MBLAC2: variants seen among roughly 807,000 people sequenced by gnomAD.
MBLAC2 encodes acyl-coenzyme A thioesterase MBLAC2.
A neutral mutation model predicts 23.3 loss-of-function variants in MBLAC2; 24 were observed. The observed-to-expected ratio is 1.03, with a 90% confidence interval of 0.75 to 1.45. The LOEUF (loss-of-function observed/expected upper bound fraction) is 1.45. MBLAC2 is among the 40% of genes most tolerant of loss of function. The probability of loss-of-function intolerance (pLI) is 0.00; values close to 1 mark genes in which losing one functional copy is unlikely to be tolerated. For synonymous variants in MBLAC2, 162 were observed against 150.9 expected, an observed-to-expected ratio of 1.07 and a Z score of -0.54; for missense variants, 358 against 370.0, an observed-to-expected ratio of 0.97 and a Z score of 0.27.
At chr5:90,471,511 G>C (rs1427740102) in intron 1 of MBLAC2, among the ~76,000 whole-genome samples, 4 of 152,030 alleles carry the variant, frequency 2.6e-5, no homozygotes, top group Non-Finnish European at 5.9e-5. Flanking sequence ...CCAGAATAAT[G>C]CACTGGAAGA....
intron 1 of MBLAC2, chr5:90,472,461 T>TG (rs1314313435): frequency 1.5e-5 from 2 of 132,526 alleles, no homozygotes; most frequent in African/African-American, 6.1e-5. Flanking sequence ...ATTTAAAACT[T>TG]TAATGAAGAC....
intron 1 of MBLAC2, among the ~76,000 whole-genome samples, chr5:90,469,572 T>C (rs867775209): frequency 6.6e-6 from 1 of 152,206 alleles, no homozygotes; most frequent in Non-Finnish European, 1.5e-5. Context: ...CCTGATGATA[T>C]TGATGATAGT....
At chr5:90,468,722 A>C (rs1750493395) in intron 1 of MBLAC2, among the ~76,000 whole-genome samples, 1 of 152,176 alleles carries the variant, frequency 6.6e-6, no homozygotes, top group Admixed American at 6.5e-5. Flanking sequence ...AAATTGTATC[A>C]AGTGTTCTCT....
In MBLAC2 at chr5:90,474,415, G is replaced by A. The variant is rs1242908041; in HGVS notation, c.-123C>T. 2.3e-6 allele frequency: 2 copies of A among 875,644 alleles called. No individual in the cohort carries two copies. Among genetic ancestry groups the A allele is most frequent in the Non-Finnish European group, 3.6e-6 (2 of 555,384 alleles). The allele number at this position is 875,644 out of a possible 1,614,324, so 54.2% of individuals were successfully genotyped here. A position where few individuals can be genotyped will look rare whatever the true frequency, so the allele number is the denominator to read the frequency against. On this transcript the variant is annotated 5_prime_UTR_variant, in exon 1 of 2. Coordinates refer to ENST00000316610, the MANE Select transcript of MBLAC2 (RefSeq NM_203406.2). ...CCTGCAGCCAGGGAGGAGGCGTAGAGCGAGGCGGGGGCGTGGGATGCGGGG... is the reference window on the plus strand; with the variant it reads ...CCTGCAGCCAGGGAGGAGGCGTAGAACGAGGCGGGGGCGTGGGATGCGGGG...
At position 90,474,540 on chromosome 5, in the gene MBLAC2, G is replaced by C. The variant is rs1750675517; in HGVS notation, c.-248C>G. 1.9e-6 allele frequency: 1 copy of C among 521,276 alleles called. No individual in the cohort carries two copies. Among genetic ancestry groups the C allele is most frequent in the South Asian group, 2.4e-5 (1 of 42,328 alleles). The allele number at this position is 521,276 out of a possible 1,614,324, so 32.3% of individuals were successfully genotyped here. A position where few individuals can be genotyped will look rare whatever the true frequency, so the allele number is the denominator to read the frequency against. On this transcript the variant is annotated 5_prime_UTR_variant, in exon 1 of 2. Coordinates refer to ENST00000316610, the MANE Select transcript of MBLAC2 (RefSeq NM_203406.2). ...GCAGCAAGCAGAGGCTGCGCCACCA[G>C]CACGGGGGCGCAGGAGCTACCGCAG...
At chr5:90,469,681 G>A (rs1452645517) in intron 1 of MBLAC2, among the ~76,000 whole-genome samples, 1 of 152,104 alleles carries the variant, frequency 6.6e-6, no homozygotes, top group Non-Finnish European at 1.5e-5. Context: ...CTATTTAAGA[G>A]TTGGGGGGCA....
At chr5:90,468,322 A>G (rs1750484987) in intron 1 of MBLAC2, among the ~76,000 whole-genome samples, 1 of 152,146 alleles carries the variant, frequency 6.6e-6, no homozygotes, top group Non-Finnish European at 1.5e-5. Flanking sequence ...TTCCTTGGGA[A>G]CACCAATTGT....
intron 1 of MBLAC2, among the ~76,000 whole-genome samples, chr5:90,466,026 C>T (rs960742063): frequency 1.3e-4 from 20 of 152,026 alleles, no homozygotes; most frequent in Non-Finnish European, 2.6e-4. Context: ...ATAGCCAATA[C>T]AATTATGAAA....
chr5:90,461,148 TATATTATCA>T lies in MBLAC2; in HGVS notation c.*10_*18del, dbSNP rs774290990. The T allele has an allele frequency of 3.3e-6, 5 of 1,513,614 alleles. No individual in the cohort carries two copies. The African/African-American group carries it at 7.1e-5, about 21-fold the overall frequency. The allele number at this position is 1,513,614 out of a possible 1,614,324, so 93.8% of individuals were successfully genotyped here. A position where few individuals can be genotyped will look rare whatever the true frequency, so the allele number is the denominator to read the frequency against. On this transcript the variant is annotated 3_prime_UTR_variant, in exon 2 of 2. Transcript: ENST00000316610. ...AATTAATGTATATAATTAATCAAAA[TATATTATCA>T]GTATAGATACTAGGGCGAGGTCCTA...
chr5:90,473,827 G>T lies in MBLAC2; in HGVS notation c.454+12C>A. ...CCCTTAACGAGAGCGCGCGCCCGCG[G>T]GGGCCCATTACCATCCTGCAGGATG... On this transcript the variant is annotated intron_variant, in intron 1 of 1. Transcript: ENST00000316610. 6.4e-7 allele frequency: 1 copy of T among 1,563,954 alleles called. No homozygotes were observed. The highest frequency in any genetic ancestry group is 2.4e-5 in the East Asian group (1 of 41,956).
chr5:90,474,766 T>C lies in MBLAC2; in HGVS notation c.-474A>G, dbSNP rs1330591513. 1.6e-5 allele frequency: 3 copies of C among 184,172 alleles called. No homozygotes were observed. The highest frequency in any genetic ancestry group is 3.3e-5 in the Non-Finnish European group (3 of 89,594). 11.4% of individuals were successfully genotyped at this position (184,172 alleles called of 1,614,324 possible). A position where few individuals can be genotyped will look rare whatever the true frequency, so the allele number is the denominator to read the frequency against. On this transcript the variant is annotated 5_prime_UTR_variant, in exon 1 of 2. Coordinates refer to ENST00000316610, the MANE Select transcript of MBLAC2 (RefSeq NM_203406.2). ...CGCAGAAAGTGTGGGGCCTCGCGGG[T>C]TGTACGGCGACTACGGCGCCTGCCA... is the stretch of plus-strand genomic sequence containing the variant.
At position 90,461,338 on chromosome 5, in the gene MBLAC2, CAGACCTCTGTCCACTAATTCT is replaced by C; in HGVS notation, c.648_668del (p.Ile216_Leu223delinsMet). On this transcript the variant is annotated inframe_deletion, in exon 2 of 2. Transcript: ENST00000316610. ...AGTGCCCAGGAAGCACCTTCTCTACCAGACCTCTGTCCACTAATTCTATTAGACGTTCACAAGTTCCAACAT... is the reference window on the plus strand; with the variant it reads ...AGTGCCCAGGAAGCACCTTCTCTACCATTAGACGTTCACAAGTTCCAACAT... The C allele has an allele frequency of 6.2e-7, 1 of 1,614,176 alleles. No homozygotes were observed. The highest frequency in any genetic ancestry group is 8.5e-7 in the Non-Finnish European group (1 of 1,180,020).
chr5:90,474,700 C>T lies in MBLAC2; in HGVS notation c.-408G>A. 4.5e-6 allele frequency: 1 copy of T among 223,690 alleles called. No individual in the cohort carries two copies. The highest frequency in any genetic ancestry group is 8.9e-6 in the Non-Finnish European group (1 of 112,608). 13.9% of individuals were successfully genotyped at this position (223,690 alleles called of 1,614,324 possible). A position where few individuals can be genotyped will look rare whatever the true frequency, so the allele number is the denominator to read the frequency against. On this transcript the variant is annotated 5_prime_UTR_variant, in exon 1 of 2. Coordinates refer to ENST00000316610, the MANE Select transcript of MBLAC2 (RefSeq NM_203406.2). ...CAGTGAGGGTGGGAAGAGCTAGAAC[C>T]GCCCACCCACTGGCTCTGCAGGGCG...
chr5:90,473,855 G>A lies in MBLAC2; in HGVS notation c.438C>T (p.Thr146=), dbSNP rs1430523966. The A allele has an allele frequency of 3.1e-6, 5 of 1,587,634 alleles. No individual in the cohort carries two copies. Among genetic ancestry groups the A allele is most frequent in the Non-Finnish European group, 2.6e-6 (3 of 1,167,484 alleles). The change falls in exon 1 of 2, where the codon ACC becomes ACT. Residue 146 remains threonine (T), a synonymous_variant. Transcript: ENST00000316610. The part of the protein sequence containing the change: ...RQFRVQAVQP[T]LILQDGDVIN... The stretch of plus-strand genomic sequence containing the variant: ...GCCCATTACCATCCTGCAGGATGAG[G>A]GTGGGCTGCACCGCCTGTACCCGGA...
intron 1 of MBLAC2, among the ~76,000 whole-genome samples, chr5:90,461,882 C>T (rs1473067755): frequency 6.6e-6 from 1 of 152,124 alleles, no homozygotes; most frequent in Non-Finnish European, 1.5e-5. Context: ...TTCAGAAAGA[C>T]TTCTTTGAGC....
intron 1 of MBLAC2, chr5:90,473,617 T>G: frequency 1.5e-6 from 1 of 677,838 alleles, no homozygotes; most frequent in Non-Finnish European, 2.6e-6. Context: ...GTACTCAGAA[T>G]CTCTACACGA....
At chr5:90,466,557 T>C (rs1484223795) in intron 1 of MBLAC2, among the ~76,000 whole-genome samples, 1 of 152,092 alleles carries the variant, frequency 6.6e-6, no homozygotes, top group African/African-American at 2.4e-5. Context: ...CCATTAAGAA[T>C]GAAAAGGCAG....
intron 1 of MBLAC2, chr5:90,473,212 A>G (rs1036775275): frequency 6.2e-6 from 1 of 160,976 alleles, no homozygotes; most frequent in Non-Finnish European, 1.3e-5. Flanking sequence ...ATAAAGTAAG[A>G]CTCAGACATA....
intron 1 of MBLAC2, among the ~76,000 whole-genome samples, chr5:90,462,391 T>C (rs1450542074): frequency 1.3e-5 from 2 of 152,092 alleles, no homozygotes; most frequent in African/African-American, 2.4e-5. Flanking sequence ...TTTAAAAATA[T>C]ATAGCTAAAA....
Sources: gnomAD v4.1 joint callset for allele counts (sites outside exome capture counted in the v4.1 genomes callset) on GRCh38, gnomAD v4.1.1 for gene constraint, MANE v1.5 for transcripts, NCBI Gene and HGNC (gene_info 2026-07-23, HGNC 2026-07-21) for gene names.